The following DEFB112 variants were observed in gnomAD, a reference collection of about 807,000 sequenced individuals.
DEFB112 encodes the protein beta-defensin 112.
DEFB112 carries 2 observed loss-of-function variants against 1.1 expected under a neutral mutation model. That is an observed-to-expected ratio of 1.85 (90% CI 0.76 to 5.83). The LOEUF (loss-of-function observed/expected upper bound fraction) is 5.83, where lower values mean the gene tolerates loss of function less well. Ranked by LOEUF, DEFB112 falls within the 30% of genes most tolerant of loss-of-function variation. The pLI, the probability that DEFB112 is intolerant of heterozygous loss-of-function variation, is 0.05. For missense variants in DEFB112, 120 were observed against 94.4 expected (o/e 1.27, Z -1.12); for synonymous variants, 40 against 31.2 (o/e 1.28, Z -0.93).
In DEFB112 at chr6:50,046,677, A is replaced by G. The variant is rs138651262; in HGVS notation, c.59-2876T>C. ...TTACCTAGCATTTTCTTATTTATTT[A>G]TTAGAATTTTAAAATATATTCTAGA... On this transcript the variant is annotated intron_variant, in intron 1 of 1. Transcript: ENST00000651554. Among the ~76,000 whole-genome samples, 1,109 of 152,058 alleles carry G rather than the reference A, an allele frequency of 7.3e-3. 9 individuals are homozygous for G. The highest frequency in any genetic ancestry group is 0.025 in the African/African-American group (1,058 of 41,494).
intron 1 of DEFB112, among the ~76,000 whole-genome samples, chr6:50,047,093 A>G (rs941420888): frequency 1.3e-5 from 2 of 152,176 alleles, no homozygotes; most frequent in Admixed American, 6.6e-5. Context: ...GCCTAGCTCT[A>G]GAGAAACTCT....
Position 50,043,478 on chromosome 6 carries a change from T to C in DEFB112, c.*97A>G, listed in dbSNP as rs144114974. ...ATTTTATTTAATTATTTATTCATTA[T>C]AGGTATGCATGCATGGAAATTATAG... On this transcript the variant is annotated 3_prime_UTR_variant, in exon 2 of 2. Transcript: ENST00000651554. 367 of 756,952 alleles carry C rather than the reference T, an allele frequency of 4.8e-4. 5 individuals carry two copies. Among genetic ancestry groups the C allele is most frequent in the African/African-American group, 4.8e-3 (271 of 56,966 alleles). The allele number at this position is 756,952 out of a possible 1,614,324, so 46.9% of individuals were successfully genotyped here. A position where few individuals can be genotyped will look rare whatever the true frequency, so the allele number is the denominator to read the frequency against.
intron 1 of DEFB112, among the ~76,000 whole-genome samples, chr6:50,046,853 A>G (rs1774844081): frequency 6.6e-6 from 1 of 152,150 alleles, no homozygotes; most frequent in African/African-American, 2.4e-5. Context: ...TTTAAAGGCT[A>G]TGGGTCCTAA....
At chr6:50,043,875 G>T (rs1774789723) in intron 1 of DEFB112, 74 bp from the exon 2 acceptor site, 2 of 1,253,396 alleles carry the variant, frequency 1.6e-6, no homozygotes, top group South Asian at 1.2e-5. Context: ...AGACATGGGA[G>T]TAATCACAGA....
At chr6:50,048,636 T>C (rs778997201) in intron 1 of DEFB112, 1 of 1,611,958 alleles carries the variant, frequency 6.2e-7, no homozygotes, top group South Asian at 1.1e-5. Flanking sequence ...CTACATATGG[T>C]TGTCAATAAT....
chr6:50,046,459 G>A (rs1014229890), intron 1 of DEFB112, among the ~76,000 whole-genome samples: 1 of 152,006 alleles, frequency 6.6e-6, no homozygotes, highest in African/African-American at 2.4e-5. Flanking sequence ...TTCTTGTACT[G>A]TTTCTTGAAG....
intron 1 of DEFB112, among the ~76,000 whole-genome samples, chr6:50,049,493 G>A (rs1686247962): frequency 6.6e-6 from 1 of 152,010 alleles, no homozygotes; most frequent in Non-Finnish European, 1.5e-5. Flanking sequence ...ATCAAATTCA[G>A]TTAAATTTGA....
Position 50,043,513 on chromosome 6 carries a change from G to C in DEFB112, c.*62C>G. On this transcript the variant is annotated 3_prime_UTR_variant, in exon 2 of 2. Transcript: ENST00000651554. ...TGCATGGAAATTATAGGTCATTAAT[G>C]AAGTGATGAAATAATGAGAGGACTT... 4 of 1,261,226 alleles carry C rather than the reference G, an allele frequency of 3.2e-6. No individual in the cohort carries two copies. In the South Asian group the frequency reaches 5.0e-5, roughly 16 times the overall value. 78.1% of individuals were successfully genotyped at this position (1,261,226 alleles called of 1,614,324 possible). A position where few individuals can be genotyped will look rare whatever the true frequency, so the allele number is the denominator to read the frequency against.
intron 1 of DEFB112, among the ~76,000 whole-genome samples, chr6:50,044,508 T>A (rs992310105): frequency 6.6e-6 from 1 of 152,090 alleles, no homozygotes; most frequent in African/African-American, 2.4e-5. Context: ...GCATAATTTC[T>A]TCGACTTTGT....
chr6:50,047,076 G>C (rs1307205988), intron 1 of DEFB112, among the ~76,000 whole-genome samples: 2 of 152,160 alleles, frequency 1.3e-5, no homozygotes, highest in African/African-American at 4.8e-5. Flanking sequence ...CAGGAACACT[G>C]GGGCCAGCCT....
At chr6:50,048,630 A>G in intron 1 of DEFB112, 1 of 1,612,934 alleles carries the variant, frequency 6.2e-7, no homozygotes, top group Non-Finnish European at 8.5e-7. Context: ...TTCAGTCTAC[A>G]TATGGTTGTC....
At chr6:50,048,454 A>T in intron 1 of DEFB112, 1 of 1,169,020 alleles carries the variant, frequency 8.6e-7, no homozygotes, top group Non-Finnish European at 1.3e-6. Flanking sequence ...GAGGTAGAGA[A>T]TATACTCAGA....
chr6:50,043,176 C>T lies in DEFB112; in HGVS notation c.*399G>A, dbSNP rs1310283188. On this transcript the variant is annotated 3_prime_UTR_variant, in exon 2 of 2. Transcript: ENST00000651554. ...ATTTCATAATCCTTCAAATTTCTTG[C>T]AACGATTTTTACTAGTTCAGGGGTC... Among the ~76,000 whole-genome samples, 2 of 151,952 alleles carry T rather than the reference C, an allele frequency of 1.3e-5. No individual in the cohort carries two copies. Among genetic ancestry groups the T allele is most frequent in the African/African-American group, 4.8e-5 (2 of 41,396 alleles).
chr6:50,048,747 T>C, intron 1 of DEFB112: 1 of 794,380 alleles, frequency 1.3e-6, no homozygotes, highest in Non-Finnish European at 2.0e-6. Context: ...GACACAAATG[T>C]AGTTGCCTCT....
At chr6:50,046,501 C>G (rs1033298082) in intron 1 of DEFB112, among the ~76,000 whole-genome samples, 1 of 151,994 alleles carries the variant, frequency 6.6e-6, no homozygotes, top group Non-Finnish European at 1.5e-5. Context: ...GGATAGATTT[C>G]AAATTTTGAA....
intron 1 of DEFB112, 113 bp from the exon 2 acceptor site, chr6:50,043,914 A>C: frequency 1.1e-6 from 1 of 895,374 alleles, no homozygotes; most frequent in Non-Finnish European, 1.7e-6. Flanking sequence ...GGAAATGGAT[A>C]TTTGCTTTAA....
chr6:50,047,185 G>A (rs890329717), intron 1 of DEFB112, among the ~76,000 whole-genome samples: 2 of 152,210 alleles, frequency 1.3e-5, no homozygotes, highest in Non-Finnish European at 1.5e-5. Flanking sequence ...GGCCTGGAGG[G>A]GCAGTGAGCT....
chr6:50,043,840 G>GT, intron 1 of DEFB112, 39 bp from the exon 2 acceptor site: 1 of 1,560,734 alleles, frequency 6.4e-7, no homozygotes, highest in Non-Finnish European at 8.8e-7. Flanking sequence ...AGTAATCTAG[G>GT]TGGGAACTCC....
chr6:50,043,531 G>C lies in DEFB112; in HGVS notation c.*44C>G, dbSNP rs1441480688. ...CATTAATGAAGTGATGAAATAATGA[G>C]AGGACTTCATTCAGATGTATCATCT... On this transcript the variant is annotated 3_prime_UTR_variant, in exon 2 of 2. Transcript: ENST00000651554. 2 of 1,454,628 alleles carry C rather than the reference G, an allele frequency of 1.4e-6. No homozygotes were observed. The highest frequency in any genetic ancestry group is 1.9e-6 in the Non-Finnish European group (2 of 1,041,118). 90.1% of individuals were successfully genotyped at this position (1,454,628 alleles called of 1,614,324 possible). A position where few individuals can be genotyped will look rare whatever the true frequency, so the allele number is the denominator to read the frequency against.
Sources: gnomAD v4.1 joint callset for allele counts (sites outside exome capture counted in the v4.1 genomes callset) on GRCh38, gnomAD v4.1.1 for gene constraint, MANE v1.5 for transcripts, NCBI Gene and HGNC (gene_info 2026-07-23, HGNC 2026-07-21) for gene names.